Variants in SEC23A observed in about 807,000 individuals in gnomAD.
SEC23A encodes SEC23 homolog A, COPII component.
In SEC23A, 56 loss-of-function variants were observed where a neutral mutation model predicts 103.7. That is an observed-to-expected ratio of 0.54 (90% CI 0.44 to 0.67). The LOEUF (loss-of-function observed/expected upper bound fraction) is 0.67, where lower values mean the gene tolerates loss of function less well. Among genes scored for constraint, SEC23A ranks in the 30% least tolerant of loss-of-function variants. The pLI is 0.00. For missense variants in SEC23A, 784 were observed against 936.4 expected, an observed-to-expected ratio of 0.84 and a Z score of 2.12; for synonymous variants, 281 against 293.0, an observed-to-expected ratio of 0.96 and a Z score of 0.42.
chr14:39,087,840 C>CT (rs1457631444), intron 5 of SEC23A: 4 of 152,096 alleles, frequency 2.6e-5, no homozygotes, highest in Non-Finnish European at 5.9e-5. Context: ...ATGCTAAAAC[C>CT]TTTATATATA....
chr14:39,062,475 C>G (rs1168247660), intron 12 of SEC23A, among the ~76,000 whole-genome samples: 1 of 151,976 alleles, frequency 6.6e-6, no homozygotes, highest in East Asian at 1.9e-4. Context: ...GTCCTCCTCC[C>G]CTAGGTATAG....
In SEC23A at chr14:39,067,233, G is replaced by A. The variant is rs1212702581; in HGVS notation, c.1167C>T (p.Val389=). The A allele has an allele frequency of 2.5e-6, 4 of 1,613,610 alleles. No individual in the cohort carries two copies. Among genetic ancestry groups the A allele is most frequent in the Non-Finnish European group, 3.4e-6 (4 of 1,179,758 alleles). The part of the protein sequence containing the change: ...TSLFKQTFQR[V]FTKDMHGQFK... The stretch of plus-strand genomic sequence containing the variant: ...ACTGTCCATGCATGTCTTTGGTAAA[G>A]ACTCTTTGAAAAGTTTGTTTGAATA... The change falls in exon 10 of 20, where the codon GTC becomes GTT. Residue 389 remains valine (V), a synonymous_variant. Transcript: ENST00000307712.
chr14:39,055,019 A>G lies in SEC23A; in HGVS notation c.1659+124T>C, dbSNP rs141992290. The G allele has an allele frequency of 3.9e-4, 420 of 1,083,244 alleles. 2 individuals carry two copies. The African/African-American group carries it at 5.7e-3, about 15-fold the overall frequency. The allele number at this position is 1,083,244 out of a possible 1,614,324, so 67.1% of individuals were successfully genotyped here. On this transcript the variant is annotated intron_variant, in intron 14 of 19. Transcript: ENST00000307712. ...CTGTGCTACTGTCTCAGTAATTTGA[A>G]TAGGAGTTTCTCATACAGTATTTCA... is the stretch of plus-strand genomic sequence containing the variant.
intron 13 of SEC23A, among the ~76,000 whole-genome samples, chr14:39,059,287 A>AC (rs1886374284): frequency 2.0e-5 from 2 of 98,780 alleles, no homozygotes; most frequent in Non-Finnish European, 4.3e-5. Flanking sequence ...TTAAAAAAAA[A>AC]AAAAAAAAAA....
intron 1 of SEC23A, among the ~76,000 whole-genome samples, chr14:39,098,865 T>A: frequency 6.8e-6 from 1 of 146,364 alleles, no homozygotes; most frequent in Non-Finnish European, 1.5e-5. Context: ...CCAGTGTTAT[T>A]AAGAAAAAAT....
At chr14:39,098,078 G>C (rs1024382941) in intron 1 of SEC23A, among the ~76,000 whole-genome samples, 1 of 150,926 alleles carries the variant, frequency 6.6e-6, no homozygotes, top group East Asian at 1.9e-4. Context: ...GACAGAACAA[G>C]ACTCCATCTC....
chr14:39,097,474 T>G (rs1227236162), intron 1 of SEC23A, among the ~76,000 whole-genome samples: 3 of 152,114 alleles, frequency 2.0e-5, no homozygotes, highest in Non-Finnish European at 4.4e-5. Flanking sequence ...ATTCTAAAAT[T>G]TAAGTGAAGA....
chr14:39,080,678 T>C (rs1220837756), intron 7 of SEC23A, among the ~76,000 whole-genome samples: 4 of 152,164 alleles, frequency 2.6e-5, no homozygotes, highest in Non-Finnish European at 5.9e-5. Flanking sequence ...AGTGCTGGGA[T>C]TACAGGCATG....
chr14:39,067,215 A>G lies in SEC23A; in HGVS notation c.1185T>C (p.His395=), dbSNP rs753205006. ...TFQRVFTKDM[H]GQFKMGFGGT... Reference sequence around the variant, plus strand: ...CACCAAAGCCCATTTTAAACTGTCCATGCATGTCTTTGGTAAAGACTCTTT... The same window carrying G: ...CACCAAAGCCCATTTTAAACTGTCCGTGCATGTCTTTGGTAAAGACTCTTT... The change falls in exon 10 of 20, where the codon CAT becomes CAC. Residue 395 remains histidine (H), a synonymous_variant. Transcript: ENST00000307712. 4.0e-5 allele frequency: 64 copies of G among 1,613,716 alleles called. No homozygotes were observed. Among genetic ancestry groups the G allele is most frequent in the Non-Finnish European group, 4.7e-5 (56 of 1,179,860 alleles).
Position 39,032,957 on chromosome 14 carries a change from G to T in SEC23A, c.*282C>A. On this transcript the variant is annotated 3_prime_UTR_variant, in exon 20 of 20. Coordinates refer to ENST00000307712, the MANE Select transcript of SEC23A (RefSeq NM_006364.4). ...AAATGAGTTACATCTGTAGTACGAG[G>T]CAGACTCTATTTTTTATTAAACATA... 1 of 354,290 alleles carries T rather than the reference G, an allele frequency of 2.8e-6. No homozygotes were observed. The highest frequency in any genetic ancestry group is 5.2e-6 in the Non-Finnish European group (1 of 190,698). The allele number at this position is 354,290 out of a possible 1,614,324, so 21.9% of individuals were successfully genotyped here.
chr14:39,092,360 A>G (rs1211510113), intron 4 of SEC23A, among the ~76,000 whole-genome samples, 181 bp downstream of exon 4: 1 of 152,214 alleles, frequency 6.6e-6, no homozygotes, highest in Non-Finnish European at 1.5e-5. Context: ...TTGGCCACCC[A>G]TCAAATAAGT....
chr14:39,091,051 G>A, intron 5 of SEC23A: 1 of 404,404 alleles, frequency 2.5e-6, no homozygotes, highest in Non-Finnish European at 4.7e-6. Flanking sequence ...AACAAAGAAA[G>A]AAGAACCTGA....
chr14:39,091,681 A>T lies in SEC23A; in HGVS notation c.399T>A (p.Tyr133Ter). 1 of 1,614,010 alleles carries T rather than the reference A, an allele frequency of 6.2e-7. No individual in the cohort carries two copies. The highest frequency in any genetic ancestry group is 8.5e-7 in the Non-Finnish European group (1 of 1,179,906). The change falls in exon 5 of 20, where the codon TAT (tyrosine) becomes TAA (stop). Residue 133 changes from tyrosine to a stop codon, truncating the protein, a stop_gained. Coordinates refer to ENST00000307712, the MANE Select transcript of SEC23A (RefSeq NM_006364.4). LOFTEE classifies it high-confidence loss of function. ...CATCTTCCATGCAAGTATCAACCAC[A>T]TAGAGGAATATCAAAGGCATCTGAG... ...RGPQMPLIFL[Y>*]VVDTCMEDED... is the part of the protein sequence containing the mutation.
intron 4 of SEC23A, 134 bp downstream of exon 4, chr14:39,092,407 C>A: frequency 1.5e-6 from 1 of 656,162 alleles, no homozygotes; most frequent in Non-Finnish European, 2.7e-6. Flanking sequence ...CTGACCTCAA[C>A]AGTTCTTACC....
At position 39,096,112 on chromosome 14, in the gene SEC23A, T is replaced by C. The variant is rs759634842; in HGVS notation, c.7A>G (p.Thr3Ala). The change falls in exon 2 of 20, where the codon ACC becomes GCC. Residue 3 changes from threonine to alanine, a missense_variant. Physicochemically the swap from Thr to Ala is moderately conservative, Grantham distance 58. Transcript: ENST00000307712. MTTYLEFIQQNEE... is the reference protein window; with the variant it reads MTAYLEFIQQNEE... ...TTTTGTTGAATGAATTCCAAATAGGTTGTCATTGTGGAGTTTGATTCTTAT... is the reference window on the plus strand; with the variant it reads ...TTTTGTTGAATGAATTCCAAATAGGCTGTCATTGTGGAGTTTGATTCTTAT... The C allele has an allele frequency of 6.2e-7, 1 of 1,609,026 alleles. No individual in the cohort carries two copies. The highest frequency in any genetic ancestry group is 1.1e-5 in the South Asian group (1 of 90,986).
rs573001821 is a variant in SEC23A at position 39,076,800 on chromosome 14, G to A, written c.829-707C>T. Among the ~76,000 whole-genome samples the A allele has an allele frequency of 1.7e-4, 26 of 151,612 alleles. No homozygotes were observed. The East Asian group carries it at 4.9e-3, about 28-fold the overall frequency. ...AAATTAGCCGGGCAGGGTGGCAGACGCCTATAGTCCCACCTACTCGGGAGG... is the reference window on the plus strand; with the variant it reads ...AAATTAGCCGGGCAGGGTGGCAGACACCTATAGTCCCACCTACTCGGGAGG... On this transcript the variant is annotated intron_variant, in intron 7 of 19. Coordinates refer to ENST00000307712, the MANE Select transcript of SEC23A (RefSeq NM_006364.4).
intron 13 of SEC23A, among the ~76,000 whole-genome samples, chr14:39,061,417 T>A (rs1207510308): frequency 6.6e-6 from 1 of 151,986 alleles, no homozygotes; most frequent in Non-Finnish European, 1.5e-5. Flanking sequence ...AATTGAAAAG[T>A]AATGTGATTA....
In SEC23A at chr14:39,063,402, TG is replaced by T. The variant is rs1388188027; in HGVS notation, c.1319del (p.Thr440LysfsTer18). The part of the protein sequence containing the change: ...GPCVSENEIG[T>X]GGTCQWKICG... ...ATATCTTCCACTGACATGTGCCACC[TG>T]TTCCTATCTCCTGTAAAAATAAAAT... is the stretch of plus-strand genomic sequence containing the variant. On this transcript the variant is annotated frameshift_variant, in exon 12 of 20. Transcript: ENST00000307712. LOFTEE classifies it high-confidence loss of function. 1.9e-6 allele frequency: 3 copies of T among 1,600,420 alleles called. No individual in the cohort carries two copies. The highest frequency in any genetic ancestry group is 2.6e-6 in the Non-Finnish European group (3 of 1,168,020).
At chr14:39,034,926 G>C (rs1338457210) in intron 19 of SEC23A, among the ~76,000 whole-genome samples, 1 of 151,982 alleles carries the variant, frequency 6.6e-6, no homozygotes, top group South Asian at 2.1e-4. Context: ...CTTATCATAG[G>C]GTCCTTGATT....
Sources: allele counts gnomAD v4.1 joint callset (sites outside exome capture counted in the v4.1 genomes callset), GRCh38; gene constraint gnomAD v4.1.1; transcripts MANE v1.5; gene names NCBI Gene and HGNC (gene_info 2026-07-23, HGNC 2026-07-21).